Variants in PRKAR2B observed in about 807,000 individuals in gnomAD.
The protein encoded by PRKAR2B is protein kinase cAMP-dependent type II regulatory subunit beta.
PRKAR2B carries 14 observed loss-of-function variants against 49.9 expected under a neutral mutation model. The observed-to-expected ratio is 0.28, with a 90% CI of 0.19 to 0.44. The LOEUF (loss-of-function observed/expected upper bound fraction) is 0.44. PRKAR2B is among the 20% of genes least tolerant of loss of function. PRKAR2B has a pLI of 1.00. For synonymous variants in PRKAR2B, 196 were observed against 197.7 expected, an observed-to-expected ratio of 0.99 and a Z score of 0.07; for missense variants, 393 against 537.9, an observed-to-expected ratio of 0.73 and a Z score of 2.67.
chr7:107,121,904 T>C (rs751545258), intron 2 of PRKAR2B, 48 bp from the exon 3 acceptor site: 4 of 1,229,932 alleles, frequency 3.3e-6, no homozygotes, highest in Middle Eastern at 2.0e-4. Context: ...CATTGTAGTA[T>C]GGTTTTTGAT....
Position 107,159,513 on chromosome 7 carries a change from C to T in PRKAR2B, c.1188C>T (p.Ile396=), listed in dbSNP as rs76484258. 8,089 of 1,613,984 alleles carry T rather than the reference C, an allele frequency of 5.0e-3. 42 individuals are homozygous for T. The highest frequency in any genetic ancestry group is 0.017 in the Middle Eastern group (102 of 6,062). The change falls in exon 11 of 11, where the codon ATC becomes ATT. Residue 396 remains isoleucine, a synonymous_variant. Coordinates refer to ENST00000265717, the MANE Select transcript of PRKAR2B (RefSeq NM_002736.3). ...GCATGGAAATTATGAAAAGGAACAT[C>T]GCTACCTATGAAGAACAGTTAGTTG... is the stretch of plus-strand genomic sequence containing the variant. The part of the protein sequence containing the change: ...GPCMEIMKRN[I]ATYEEQLVAL...
intron 7 of PRKAR2B, 31 bp from the exon 8 acceptor site, chr7:107,153,146 T>A (rs923146468): frequency 6.4e-7 from 1 of 1,559,274 alleles, no homozygotes; most frequent in Admixed American, 1.8e-5. Context: ...TTAATTTGTT[T>A]CTATTTAATA....
chr7:107,099,852 T>C (rs1045210384), intron 2 of PRKAR2B, among the ~76,000 whole-genome samples: 4 of 152,050 alleles, frequency 2.6e-5, no homozygotes, highest in African/African-American at 7.2e-5. Flanking sequence ...GCCAGGATGG[T>C]CTTGATCTCC....
rs573568823 is a variant in PRKAR2B, at chr7:107,061,232, C to T, written c.308-9049C>T. ...AATCATTTGTAGGCTTTTATTAGTC[C>T]ATAAAACTTTTAGGATATGCTTCTT... On this transcript the variant is annotated intron_variant, in intron 1 of 10. Coordinates refer to ENST00000265717, the MANE Select transcript of PRKAR2B (RefSeq NM_002736.3). Among the ~76,000 whole-genome samples the T allele has an allele frequency of 2.6e-5, 4 of 151,892 alleles. No homozygotes were observed. In the East Asian group the frequency reaches 5.8e-4, roughly 22 times the overall value.
intron 4 of PRKAR2B, among the ~76,000 whole-genome samples, chr7:107,131,595 T>C (rs1421356669): frequency 1.3e-5 from 2 of 152,226 alleles, no homozygotes; most frequent in African/African-American, 4.8e-5. Flanking sequence ...GAAGCAAATG[T>C]ATATACATAG....
At chr7:107,110,332 T>A (rs985545848) in intron 2 of PRKAR2B, among the ~76,000 whole-genome samples, 1 of 151,930 alleles carries the variant, frequency 6.6e-6, no homozygotes, top group African/African-American at 2.4e-5. Flanking sequence ...TGAAAAACAG[T>A]CTAGGCCACA....
Position 107,107,591 on chromosome 7 carries a change from A to C in PRKAR2B, c.344-14361A>C, listed in dbSNP as rs866161798. ...GCCTAAGTACAGTTAGGGTGTGAAGAAACTCAATTATGAGGTATGAATGGG... is the reference window on the plus strand; with the variant it reads ...GCCTAAGTACAGTTAGGGTGTGAAGCAACTCAATTATGAGGTATGAATGGG... On this transcript the variant is annotated intron_variant, in intron 2 of 10. Transcript: ENST00000265717. Among the ~76,000 whole-genome samples the C allele has an allele frequency of 4.0e-5, 6 of 151,886 alleles. No individual in the cohort carries two copies. The South Asian group carries it at 1.2e-3, about 32-fold the overall frequency.
intron 4 of PRKAR2B, among the ~76,000 whole-genome samples, chr7:107,130,614 C>T (rs1387578612): frequency 6.6e-6 from 1 of 152,140 alleles, no homozygotes; most frequent in Non-Finnish European, 1.5e-5. Context: ...CTGATAGATC[C>T]TTGTCCATTC....
At chr7:107,050,850 A>C (rs941312261) in intron 1 of PRKAR2B, among the ~76,000 whole-genome samples, 1 of 151,930 alleles carries the variant, frequency 6.6e-6, no homozygotes, top group Non-Finnish European at 1.5e-5. Context: ...TTTAGACTTC[A>C]TTTTTTTCTG....
intron 5 of PRKAR2B, among the ~76,000 whole-genome samples, chr7:107,144,318 C>A (rs1315237648): frequency 2.0e-5 from 3 of 152,016 alleles, no homozygotes; most frequent in Admixed American, 2.0e-4. Context: ...AAACTCCTGA[C>A]CTTGTGATCT....
At chr7:107,056,276 T>C (rs1190566118) in intron 1 of PRKAR2B, among the ~76,000 whole-genome samples, 2 of 152,188 alleles carry the variant, frequency 1.3e-5, no homozygotes, top group African/African-American at 4.8e-5. Flanking sequence ...TTCTTTTGGC[T>C]TAGGATTGAC....
At chr7:107,062,891 A>G (rs541586161) in intron 1 of PRKAR2B, among the ~76,000 whole-genome samples, 9 of 152,272 alleles carry the variant, frequency 5.9e-5, no homozygotes, top group Non-Finnish European at 8.8e-5. Flanking sequence ...ATACTACTTG[A>G]AAAAAAGCCA....
intron 2 of PRKAR2B, among the ~76,000 whole-genome samples, chr7:107,111,019 C>T (rs1392576769): frequency 1.3e-5 from 2 of 152,104 alleles, no homozygotes; most frequent in Admixed American, 6.6e-5. Flanking sequence ...CTGGACTTGC[C>T]CTAGGCCAGA....
At position 107,147,170 on chromosome 7, in the gene PRKAR2B, G is replaced by A. The variant is rs997192181; in HGVS notation, c.741+709G>A. 3.3e-5 allele frequency among the ~76,000 whole-genome samples: 5 copies of A among 152,100 alleles called. 1 individual carries two copies. Among genetic ancestry groups the A allele is most frequent in the Admixed American group, 2.6e-4 (4 of 15,278 alleles). ...ACTAAAAATACAAAAAATTAGCCGG[G>A]CACGGTCGTGGGTGCCTGTAGTCCC... On this transcript the variant is annotated intron_variant, in intron 6 of 10. Coordinates refer to ENST00000265717, the MANE Select transcript of PRKAR2B (RefSeq NM_002736.3).
At chr7:107,097,547 CATT>C (rs1188101156) in intron 2 of PRKAR2B, among the ~76,000 whole-genome samples, 2 of 152,164 alleles carry the variant, frequency 1.3e-5, no homozygotes, top group African/African-American at 4.8e-5. Flanking sequence ...TTGATCCTGT[CATT>C]ATGATGTTAG....
At chr7:107,113,657 C>T (rs1045450062) in intron 2 of PRKAR2B, among the ~76,000 whole-genome samples, 11 of 152,096 alleles carry the variant, frequency 7.2e-5, no homozygotes, top group African/African-American at 2.2e-4. Flanking sequence ...TTATTCTTCT[C>T]GCTCTTTTTA....
At chr7:107,070,729 GTTTT>G (rs1250499606) in intron 2 of PRKAR2B, among the ~76,000 whole-genome samples, 3 of 152,044 alleles carry the variant, frequency 2.0e-5, no homozygotes, top group Non-Finnish European at 4.4e-5. Context: ...TTGAGTGAGT[GTTTT>G]TTTGTTTGTT....
intron 1 of PRKAR2B, among the ~76,000 whole-genome samples, chr7:107,066,298 T>TG (rs199947326): frequency 3.6e-5 from 4 of 111,408 alleles, no homozygotes; most frequent in Admixed American, 9.8e-5. Context: ...TCTCTCTATG[T>TG]GGGGTGTGTG....
intron 2 of PRKAR2B, among the ~76,000 whole-genome samples, chr7:107,088,066 C>T (rs1424653008): frequency 6.6e-6 from 1 of 152,094 alleles, no homozygotes; most frequent in African/African-American, 2.4e-5. Flanking sequence ...GTGTAATTCT[C>T]TCATCAGCTT....
Sources: gnomAD v4.1 joint callset for allele counts (sites outside exome capture counted in the v4.1 genomes callset) on GRCh38, gnomAD v4.1.1 for gene constraint, MANE v1.5 for transcripts, NCBI Gene and HGNC (gene_info 2026-07-23, HGNC 2026-07-21) for gene names.